CFAP299: variants seen among roughly 807,000 people sequenced by gnomAD.
The protein encoded by CFAP299 is cilia and flagella associated protein 299, also known as cilia- and flagella-associated protein 299.
Under a neutral mutation model 27.0 loss-of-function variants are expected in CFAP299, and 21 were observed. That is an observed-to-expected ratio of 0.78 (90% CI 0.55 to 1.12). CFAP299 has a LOEUF of 1.12. Among genes scored for constraint, CFAP299 ranks in the 50% most tolerant of loss-of-function variants. CFAP299 has a pLI of 0.00. For synonymous variants in CFAP299, 104 were observed against 98.1 expected (o/e 1.06, Z -0.36); for missense variants, 310 against 276.6 (o/e 1.12, Z -0.86).
At chr4:80,948,399 A>G (rs1737583318) in intron 5 of CFAP299, among the ~76,000 whole-genome samples, 1 of 152,162 alleles carries the variant, frequency 6.6e-6, no homozygotes, top group African/African-American at 2.4e-5. Flanking sequence ...AAATAAGCCA[A>G]GTTTCTATTT....
At chr4:80,933,205 T>G (rs1736714633) in intron 4 of CFAP299, among the ~76,000 whole-genome samples, 1 of 151,582 alleles carries the variant, frequency 6.6e-6, no homozygotes, top group African/African-American at 2.4e-5. Context: ...TGAGAAAACT[T>G]AGGACCTACA....
chr4:80,934,728 A>G, intron 4 of CFAP299, among the ~76,000 whole-genome samples: 1 of 152,004 alleles, frequency 6.6e-6, no homozygotes, highest in Non-Finnish European at 1.5e-5. Flanking sequence ...TGTGGTATCA[A>G]ACAAAATGTC....
At chr4:80,748,604 A>AT (rs1330299214) in intron 3 of CFAP299, among the ~76,000 whole-genome samples, 8 of 152,024 alleles carry the variant, frequency 5.3e-5, no homozygotes, top group Non-Finnish European at 1.0e-4. Flanking sequence ...TCATGGTATT[A>AT]TTTTTCACTT....
At position 80,485,532 on chromosome 4, in the gene CFAP299, A is replaced by G. The variant is rs181054944; in HGVS notation, c.243-97561A>G. Reference sequence around the variant, plus strand: ...CTGAAGATAATTGGGAGAAATTTGAATAACATTTGATATTAAATAATACTA... The same window carrying G: ...CTGAAGATAATTGGGAGAAATTTGAGTAACATTTGATATTAAATAATACTA... On this transcript the variant is annotated intron_variant, in intron 2 of 5. Transcript: ENST00000358105. Among the ~76,000 whole-genome samples, 534 of 152,180 alleles carry G rather than the reference A, an allele frequency of 3.5e-3. 3 individuals are homozygous for G. Among genetic ancestry groups the G allele is most frequent in the African/African-American group, 0.012 (501 of 41,534 alleles).
chr4:80,626,505 G>C (rs1738913557), intron 3 of CFAP299, among the ~76,000 whole-genome samples: 2 of 151,400 alleles, frequency 1.3e-5, no homozygotes, highest in Non-Finnish European at 3.0e-5. Flanking sequence ...TAAGCCCAAA[G>C]TTAGTAAAAG....
intron 2 of CFAP299, among the ~76,000 whole-genome samples, chr4:80,469,019 T>C (rs1317877821): frequency 1.3e-5 from 2 of 152,018 alleles, no homozygotes; most frequent in African/African-American, 4.8e-5. Flanking sequence ...CAAATAAATC[T>C]GAGAAAAAAA....
At chr4:80,457,206 T>C (rs1729211253) in intron 2 of CFAP299, among the ~76,000 whole-genome samples, 1 of 152,140 alleles carries the variant, frequency 6.6e-6, no homozygotes, top group Admixed American at 6.5e-5. Context: ...CAACAATTGA[T>C]GATCCGCAGG....
chr4:80,450,762 T>C (rs1001937187), intron 2 of CFAP299, among the ~76,000 whole-genome samples: 1 of 152,028 alleles, frequency 6.6e-6, no homozygotes, highest in African/African-American at 2.4e-5. Flanking sequence ...TATAATAAAA[T>C]CCTAGTTGTT....
chr4:80,495,175 A>G (rs1174029397), intron 2 of CFAP299, among the ~76,000 whole-genome samples: 1 of 152,238 alleles, frequency 6.6e-6, no homozygotes, highest in Non-Finnish European at 1.5e-5. Context: ...AAAATATAGT[A>G]TTAACTTAGG....
rs189353471 is a variant in CFAP299, at chr4:80,875,589, G to A, written c.476+5454G>A. Among the ~76,000 whole-genome samples the A allele has an allele frequency of 2.1e-3, 325 of 151,864 alleles. 2 individuals are homozygous for A. Among genetic ancestry groups the A allele is most frequent in the African/African-American group, 7.5e-3 (309 of 41,414 alleles). On this transcript the variant is annotated intron_variant, in intron 4 of 5. Transcript: ENST00000358105. ...TGAGGCAGGAGAATCGCTTGAACCT[G>A]GGAGGCGGAGGTTGCGGTGAGCCAA...
intron 3 of CFAP299, among the ~76,000 whole-genome samples, chr4:80,829,912 G>A (rs180793677): frequency 5.3e-5 from 8 of 152,066 alleles, no homozygotes; most frequent in African/African-American, 1.9e-4. Flanking sequence ...GTGGCTACCA[G>A]AGGCTAGGGG....
At chr4:80,687,353 A>G (rs1370413045) in intron 3 of CFAP299, among the ~76,000 whole-genome samples, 1 of 152,164 alleles carries the variant, frequency 6.6e-6, no homozygotes, top group Non-Finnish European at 1.5e-5. Context: ...CATACCTAAT[A>G]GGAGCTTTGT....
intron 2 of CFAP299, among the ~76,000 whole-genome samples, chr4:80,542,936 C>T (rs955962757): frequency 6.6e-6 from 1 of 152,104 alleles, no homozygotes; most frequent in Non-Finnish European, 1.5e-5. Context: ...CGCCCACAAC[C>T]AAGCATCCCC....
At chr4:80,530,706 A>G (rs1733422417) in intron 2 of CFAP299, among the ~76,000 whole-genome samples, 1 of 152,218 alleles carries the variant, frequency 6.6e-6, no homozygotes. Context: ...TGCTGTCATT[A>G]TTTCATAATG....
chr4:80,473,212 G>T (rs781288546), intron 2 of CFAP299, among the ~76,000 whole-genome samples: 3 of 152,020 alleles, frequency 2.0e-5, no homozygotes, highest in Non-Finnish European at 4.4e-5. Context: ...GCATAGAGGG[G>T]GATACAGCCA....
intron 2 of CFAP299, among the ~76,000 whole-genome samples, chr4:80,487,139 A>G (rs1487067711): frequency 2.6e-5 from 4 of 152,180 alleles, no homozygotes; most frequent in Non-Finnish European, 5.9e-5. Flanking sequence ...CTTTCCGGAA[A>G]CTAGCATAAA....
intron 3 of CFAP299, among the ~76,000 whole-genome samples, chr4:80,693,089 C>G (rs971012405): frequency 6.6e-6 from 1 of 152,270 alleles, no homozygotes; most frequent in African/African-American, 2.4e-5. Flanking sequence ...CACTTTTACA[C>G]TGTTGGTGGG....
At chr4:80,778,339 G>C (rs1029163743) in intron 3 of CFAP299, among the ~76,000 whole-genome samples, 1 of 152,040 alleles carries the variant, frequency 6.6e-6, no homozygotes, top group Non-Finnish European at 1.5e-5. Context: ...GAGCCCCCTT[G>C]TACAAATTGG....
chr4:80,790,299 A>G (rs1727479148), intron 3 of CFAP299: 1 of 152,042 alleles, frequency 6.6e-6, no homozygotes, highest in Non-Finnish European at 1.5e-5. Flanking sequence ...TCAAAAGATA[A>G]CACATAGAAA....
Sources: gnomAD v4.1 joint callset for allele counts (sites outside exome capture counted in the v4.1 genomes callset) on GRCh38, gnomAD v4.1.1 for gene constraint, MANE v1.5 for transcripts, NCBI Gene and HGNC (gene_info 2026-07-23, HGNC 2026-07-21) for gene names.